The following POTEI variants were observed in gnomAD, a reference collection of about 807,000 sequenced individuals.
POTEI encodes POTE ankyrin domain family member I, also known as POTE ankyrin domain family, member I.
Under a neutral mutation model 43.4 loss-of-function variants are expected in POTEI, and 14 were observed. The ratio of observed to expected loss-of-function variants is 0.32; its 90% confidence interval spans 0.21 to 0.50. The LOEUF (loss-of-function observed/expected upper bound fraction) is 0.50, where lower values mean the gene tolerates loss of function less well. Among genes scored for constraint, POTEI ranks in the 20% least tolerant of loss-of-function variants. The pLI, the probability that POTEI is intolerant of heterozygous loss-of-function variation, is 0.98. For missense variants in POTEI, 235 were observed against 795.4 expected (o/e 0.30, Z 8.47); for synonymous variants, 95 against 297.9 (o/e 0.32, Z 7.01).
intron 6 of POTEI, among the ~76,000 whole-genome samples, chr2:130,491,714 G>T (rs868426266): frequency 2.1e-5 from 2 of 95,078 alleles, no homozygotes; most frequent in Non-Finnish European, 4.7e-5. Context: ...GTGCAGTGGC[G>T]CAATCTCAGC....
rs764456427 is a variant in POTEI, at chr2:130,508,950, T to C, written c.286A>G (p.Ser96Gly). 74 of 1,589,696 alleles carry C rather than the reference T, an allele frequency of 4.7e-5. 3 individuals are homozygous for C. The highest frequency in any genetic ancestry group is 5.6e-5 in the Non-Finnish European group (65 of 1,170,420). The part of the protein sequence containing the change: ...HDDSAMKTLR[S>G]KMGKWCCHCF... ...TGGCAGCACCACTTGCCCATCTTGC[T>C]CCTGAGCGTCTTCATAGCGGAGTCG... The change falls in exon 1 of 15, where the codon AGC becomes GGC. Residue 96 changes from serine (S) to glycine (G), a missense_variant. Coordinates refer to ENST00000451531, the MANE Select transcript of POTEI (RefSeq NM_001277406.2).
At position 130,496,546 on chromosome 2, in the gene POTEI, T is replaced by C; in HGVS notation, c.1126+6A>G. On this transcript the variant is annotated splice_donor_region_variant and intron_variant, in intron 6 of 14. Coordinates refer to ENST00000451531, the MANE Select transcript of POTEI (RefSeq NM_001277406.2). ...GACTAAAGTAATTCACTATCACAAG[T>C]CTTACCTGGATTGCTGTTTTCAGAA... 6.2e-6 allele frequency: 8 copies of C among 1,287,308 alleles called. No individual in the cohort carries two copies. The highest frequency in any genetic ancestry group is 8.5e-6 in the Non-Finnish European group (8 of 946,182). The allele number at this position is 1,287,308 out of a possible 1,614,324, so 79.7% of individuals were successfully genotyped here.
At chr2:130,477,551 T>G (rs1418906790) in intron 10 of POTEI, among the ~76,000 whole-genome samples, 1 of 149,924 alleles carries the variant, frequency 6.7e-6, no homozygotes. Flanking sequence ...TTTACTGATT[T>G]TTCTACTGCA....
At chr2:130,472,292 C>CTAA (rs1477392385) in intron 13 of POTEI, among the ~76,000 whole-genome samples, 3 of 73,040 alleles carry the variant, frequency 4.1e-5, no homozygotes, top group African/African-American at 8.3e-5. Context: ...ACATACTTAA[C>CTAA]GCTCATGACT....
intron 1 of POTEI, among the ~76,000 whole-genome samples, chr2:130,507,329 CACACACA>C (rs1684206488): frequency 1.1e-5 from 1 of 90,016 alleles, no homozygotes; most frequent in Non-Finnish European, 2.3e-5. Flanking sequence ...CACACACACA[CACACACA>C]CATATATATG....
At chr2:130,480,611 C>G (rs1335627947) in intron 10 of POTEI, among the ~76,000 whole-genome samples, 1 of 124,518 alleles carries the variant, frequency 8.0e-6, no homozygotes, top group Non-Finnish European at 1.7e-5. Flanking sequence ...AATCCTGCCT[C>G]CTTTCTTTCT....
intron 14 of POTEI, among the ~76,000 whole-genome samples, 182 bp from the exon 15 acceptor site, chr2:130,464,326 T>C (rs1204781696): frequency 1.4e-4 from 3 of 21,214 alleles, no homozygotes; most frequent in African/African-American, 1.8e-4. Context: ...CAGTGATTTA[T>C]TTTTCATCGC....
At position 130,468,704 on chromosome 2, in the gene POTEI, G is replaced by GC. The variant is rs780514042; in HGVS notation, c.1779-2933_1779-2932insG. 6.6e-5 allele frequency among the ~76,000 whole-genome samples: 5 copies of GC among 76,180 alleles called. No individual in the cohort carries two copies. The South Asian group carries it at 1.8e-3, about 27-fold the overall frequency. 50.0% of individuals were successfully genotyped at this position (76,180 alleles called of 152,430 possible). On this transcript the variant is annotated intron_variant, in intron 13 of 14. Coordinates refer to ENST00000451531, the MANE Select transcript of POTEI (RefSeq NM_001277406.2). Reference sequence around the variant, plus strand: ...CATAGAAACACAAAGCCAAACTATTGGGGGGGGGGGTATCCTTATTTTTAA... The same window carrying GC: ...CATAGAAACACAAAGCCAAACTATTGCGGGGGGGGGGTATCCTTATTTTTAA...
intron 1 of POTEI, among the ~76,000 whole-genome samples, chr2:130,507,345 T>C (rs1212203309): frequency 1.0e-5 from 1 of 99,130 alleles, no homozygotes; most frequent in African/African-American, 3.4e-5. Flanking sequence ...CACATATATA[T>C]GTATATATAT....
intron 9 of POTEI, among the ~76,000 whole-genome samples, chr2:130,483,686 C>T (rs1479201955): frequency 2.1e-5 from 3 of 144,446 alleles, no homozygotes; most frequent in African/African-American, 8.0e-5. Context: ...GCTCCGCCTC[C>T]TGGGTTCATG....
chr2:130,507,272 GGATATATATATATATATA>G (rs1684187097), intron 1 of POTEI, among the ~76,000 whole-genome samples: 1 of 11,500 alleles, frequency 8.7e-5, no homozygotes, highest in African/African-American at 2.3e-4. Context: ...AAAAAAAAAA[GGATATATATATATATATA>G]TATATATATA....
At chr2:130,477,888 G>A (rs1315233520) in intron 10 of POTEI, among the ~76,000 whole-genome samples, 2 of 138,240 alleles carry the variant, frequency 1.4e-5, no homozygotes, top group African/African-American at 3.0e-5. Context: ...AAGAGTGAAA[G>A]TATTTGCCTA....
intron 10 of POTEI, among the ~76,000 whole-genome samples, chr2:130,477,036 T>C (rs904116676): frequency 1.3e-5 from 2 of 148,706 alleles, no homozygotes; most frequent in Non-Finnish European, 2.9e-5. Flanking sequence ...CACTTCCTAA[T>C]AGTACCTTAT....
chr2:130,507,286 A>G (rs1684189969), intron 1 of POTEI, among the ~76,000 whole-genome samples: 1 of 8,226 alleles, frequency 1.2e-4, no homozygotes, highest in Non-Finnish European at 2.2e-3. Flanking sequence ...ATATATATAT[A>G]TATATATATA....
chr2:130,467,722 C>T (rs2579438), intron 13 of POTEI, among the ~76,000 whole-genome samples: 115 of 151,956 alleles, frequency 7.6e-4, no homozygotes, highest in African/African-American at 1.6e-3. Flanking sequence ...CGCTAACAAA[C>T]GACTAATATC....
In POTEI at chr2:130,475,077, A is replaced by G. The variant is rs552887276; in HGVS notation, c.1552-126T>C. 9.7e-6 allele frequency: 6 copies of G among 621,156 alleles called. No homozygotes were observed. In the East Asian group the frequency reaches 2.3e-4, roughly 24 times the overall value. 38.5% of individuals were successfully genotyped at this position (621,156 alleles called of 1,614,324 possible). A position where few individuals can be genotyped will look rare whatever the true frequency, so the allele number is the denominator to read the frequency against. On this transcript the variant is annotated intron_variant, in intron 11 of 14. Transcript: ENST00000451531. ...CAAGTATGGACAATAAAAATTAGAA[A>G]GTAATTAAAATTAAACTGTTTAAAT...
intron 1 of POTEI, among the ~76,000 whole-genome samples, chr2:130,507,432 C>A (rs1174558144): frequency 6.8e-5 from 5 of 73,436 alleles, no homozygotes; most frequent in Admixed American, 3.1e-4. Context: ...ATATATATAT[C>A]TGCGTATATA....
In POTEI at chr2:130,460,098, C is replaced by T. The variant is rs1307279499; in HGVS notation, c.*2718G>A. Reference sequence around the variant, plus strand: ...GGCTCTAGGGGCCACCTTGCTGCAGCTCTCCACTGATATGGTACAGTCCAC... The same window carrying T: ...GGCTCTAGGGGCCACCTTGCTGCAGTTCTCCACTGATATGGTACAGTCCAC... On this transcript the variant is annotated 3_prime_UTR_variant, in exon 15 of 15. Coordinates refer to ENST00000451531, the MANE Select transcript of POTEI (RefSeq NM_001277406.2). The T allele has an allele frequency of 1.3e-5, 2 of 150,876 alleles. No individual in the cohort carries two copies. Among genetic ancestry groups the T allele is most frequent in the East Asian group, 3.9e-4 (2 of 5,152 alleles). 9.3% of individuals were successfully genotyped at this position (150,876 alleles called of 1,614,324 possible). A position where few individuals can be genotyped will look rare whatever the true frequency, so the allele number is the denominator to read the frequency against.
upstream of POTEI, chr2:130,509,682 C>T: frequency 9.1e-5 from 5 of 54,784 alleles, 1 homozygote; most frequent in South Asian, 1.0e-3. Flanking sequence ...GTGCAGCATG[C>T]GCGTGCAAGC....
Sources: gnomAD v4.1 joint callset for allele counts (sites outside exome capture counted in the v4.1 genomes callset) on GRCh38, gnomAD v4.1.1 for gene constraint, MANE v1.5 for transcripts, NCBI Gene and HGNC (gene_info 2026-07-23, HGNC 2026-07-21) for gene names.